TENM3: variants seen among roughly 807,000 people sequenced by gnomAD.
TENM3 encodes the protein teneurin-3.
In TENM3, 63 loss-of-function variants were observed where a neutral mutation model predicts 255.1. That is an observed-to-expected ratio of 0.25 (90% CI 0.20 to 0.30). The LOEUF is 0.30. TENM3 is among the 10% of genes least tolerant of loss of function. The pLI, the probability that TENM3 is intolerant of heterozygous loss-of-function variation, is 1.00. For missense variants in TENM3, 2,929 were observed against 3,461.1 expected, an observed-to-expected ratio of 0.85 and a Z score of 3.86; for synonymous variants, 1,306 against 1,322.3, an observed-to-expected ratio of 0.99 and a Z score of 0.27.
chr4:182,355,513 C>T (rs550056981), intron 3 of TENM3, among the ~76,000 whole-genome samples: 10 of 152,274 alleles, frequency 6.6e-5, no homozygotes, highest in Non-Finnish European at 1.3e-4. Flanking sequence ...CACTGTTGTA[C>T]CTCTGTGCTC....
At chr4:182,744,093 C>CTTTTTTTTTTTTTTTT (rs957977132) in intron 19 of TENM3, 21 of 451,904 alleles carry the variant, frequency 4.6e-5, no homozygotes, top group Middle Eastern at 1.2e-3. Context: ...ACTGTGCTTT[C>CTTTTTTTTTTTTTTTT]TTTTTTTTTT....
At chr4:182,393,979 G>A (rs367850519) in intron 3 of TENM3, among the ~76,000 whole-genome samples, 2 of 152,294 alleles carry the variant, frequency 1.3e-5, no homozygotes, top group East Asian at 3.9e-4. Context: ...TGAAGGCAGA[G>A]AACAATTATA....
chr4:182,126,313 A>C, the TENM3 span, among the ~76,000 whole-genome samples: 1 of 152,180 alleles, frequency 6.6e-6, no homozygotes, highest in Non-Finnish European at 1.5e-5. Context: ...ATGTGAAAAC[A>C]AGGTCACACT....
At chr4:182,635,650 T>C (rs77232086) in intron 5 of TENM3, among the ~76,000 whole-genome samples, 9,389 of 152,304 alleles carry the variant, frequency 0.062, 392 homozygotes, top group East Asian at 0.14. Context: ...TATGTAGTTA[T>C]TTATTTCCTT....
chr4:182,687,822 A>G (rs1366888125), intron 11 of TENM3, among the ~76,000 whole-genome samples: 7 of 152,120 alleles, frequency 4.6e-5, no homozygotes, highest in Admixed American at 2.6e-4. Context: ...TTTCTTGGTG[A>G]TAGGTGTATA....
chr4:182,564,454 A>G (rs1194004000), intron 3 of TENM3, among the ~76,000 whole-genome samples: 8 of 152,196 alleles, frequency 5.3e-5, no homozygotes, highest in Admixed American at 4.6e-4. Flanking sequence ...ATGCCTGGGC[A>G]GTGACAACCT....
chr4:181,801,648 TAAAATATATATA>T, the TENM3 span, among the ~76,000 whole-genome samples: 1 of 86,416 alleles, frequency 1.2e-5, no homozygotes. Flanking sequence ...TAAAGAATTG[TAAAATATATATA>T]TATATATATA....
chr4:181,901,468 G>A, the TENM3 span, among the ~76,000 whole-genome samples: 1 of 152,124 alleles, frequency 6.6e-6, no homozygotes, highest in Non-Finnish European at 1.5e-5. Context: ...CATCAGTGTT[G>A]GCCAAAACAG....
chr4:181,968,988 C>CTATATATATA, the TENM3 span, among the ~76,000 whole-genome samples: 1 of 107,616 alleles, frequency 9.3e-6, no homozygotes, highest in South Asian at 3.2e-4. Context: ...CTCTCTCTCT[C>CTATATATATA]TCTCTATATA....
chr4:182,555,850 A>T (rs1342492555), intron 3 of TENM3, among the ~76,000 whole-genome samples: 1 of 151,806 alleles, frequency 6.6e-6, no homozygotes, highest in Admixed American at 6.6e-5. Context: ...TTTTTCTACG[A>T]ACACTTAAGA....
chr4:182,436,884 G>C (rs1392447249), intron 3 of TENM3, among the ~76,000 whole-genome samples: 1 of 152,132 alleles, frequency 6.6e-6, no homozygotes, highest in East Asian at 1.9e-4. Context: ...CAGGCGTGGT[G>C]GTGGGCACCT....
At chr4:182,678,247 T>C (rs994816701) in intron 7 of TENM3, among the ~76,000 whole-genome samples, 3 of 152,202 alleles carry the variant, frequency 2.0e-5, no homozygotes, top group African/African-American at 7.2e-5. Flanking sequence ...TACCCCACTA[T>C]ATTAACAATC....
At chr4:181,726,228 A>T in the TENM3 span, among the ~76,000 whole-genome samples, 1 of 152,336 alleles carries the variant, frequency 6.6e-6, no homozygotes, top group Admixed American at 6.5e-5. Flanking sequence ...CATAATTTTT[A>T]ACCACCTACT....
Position 182,793,485 on chromosome 4 carries a change from C to T in TENM3, c.6813C>T (p.Thr2271=). 1.2e-6 allele frequency: 2 copies of T among 1,613,932 alleles called. No homozygotes were observed. Among genetic ancestry groups the T allele is most frequent in the Non-Finnish European group, 1.7e-6 (2 of 1,179,880 alleles). ...ACAACCATTCGAGTTCAGAAATTAC[C>T]TCCCTGTATTATGATCTCCAAGGAC... ...HVYNHSSSEI[T]SLYYDLQGHL... is the part of the protein sequence containing the mutation. Residue 2271 remains threonine (T), a synonymous_variant, in exon 26 of 28, where the codon ACC becomes ACT. Transcript: ENST00000511685. The surrounding 1 kb of genome is among the most constrained non-coding windows in gnomAD (Gnocchi z 5.7).
chr4:181,901,179 G>A, the TENM3 span, among the ~76,000 whole-genome samples: 22,848 of 151,920 alleles, frequency 0.15, 1,939 homozygotes, highest in Non-Finnish European at 0.19. Context: ...TTCTACCTCT[G>A]TACCAAAAAA....
intron 22 of TENM3, among the ~76,000 whole-genome samples, chr4:182,755,738 G>T (rs925633132): frequency 3.9e-5 from 6 of 152,100 alleles, no homozygotes; most frequent in African/African-American, 1.4e-4. Flanking sequence ...TACTCGGGAG[G>T]CTGAGGCAGG....
upstream of TENM3, among the ~76,000 whole-genome samples, chr4:182,243,145 G>A (rs572817099): frequency 2.0e-5 from 3 of 152,194 alleles, no homozygotes; most frequent in South Asian, 2.1e-4. Context: ...ACAGAGTTTC[G>A]CTCTTGTCGC....
the TENM3 span, among the ~76,000 whole-genome samples, chr4:181,842,061 C>CTGT: frequency 0.57 from 85,963 of 151,676 alleles, 25,458 homozygotes; most frequent in East Asian, 0.74. Flanking sequence ...GAGTTGAAGA[C>CTGT]TGATTATATG....
the TENM3 span, among the ~76,000 whole-genome samples, chr4:181,968,234 T>A: frequency 1.3e-5 from 2 of 152,118 alleles, no homozygotes; most frequent in African/African-American, 4.8e-5. Flanking sequence ...AACTAAAGTT[T>A]CCTTCAGTGA....
Sources: gnomAD v4.1 joint callset for allele counts (sites outside exome capture counted in the v4.1 genomes callset) on GRCh38, gnomAD v4.1.1 for gene constraint, Gnocchi (gnomAD v3.1) non-coding constraint, MANE v1.5 for transcripts, NCBI Gene and HGNC (gene_info 2026-07-23, HGNC 2026-07-21) for gene names.